The following CDKL5 variants were observed in gnomAD, a reference collection of about 807,000 sequenced individuals.
CDKL5 encodes the protein cyclin-dependent kinase-like 5.
In CDKL5, 8 loss-of-function variants were observed where a neutral mutation model predicts 61.7. The ratio of observed to expected loss-of-function variants is 0.13; its 90% CI spans 0.08 to 0.23. The LOEUF (loss-of-function observed/expected upper bound fraction) is 0.23, where lower values mean the gene tolerates loss of function less well. Ranked by LOEUF, CDKL5 falls within the 10% of genes least tolerant of loss-of-function variation. The pLI, the probability that CDKL5 is intolerant of heterozygous loss-of-function variation, is 1.00. For synonymous variants in CDKL5, 275 were observed against 272.3 expected (o/e 1.01, Z -0.10); for missense variants, 440 against 734.5 (o/e 0.60, Z 4.63).
At chrX:18,603,477 A>G (rs938523583) in intron 11 of CDKL5, among the ~76,000 whole-genome samples, 1 of 112,446 alleles carries the variant, frequency 8.9e-6, no homozygotes, top group Non-Finnish European at 1.9e-5. Context: ...AAGTTCAAGA[A>G]ACATAGTAAC....
chrX:18,517,718 A>G (rs934927190), intron 3 of CDKL5, among the ~76,000 whole-genome samples: 3 of 111,883 alleles, frequency 2.7e-5, no homozygotes, highest in Non-Finnish European at 5.6e-5. Context: ...GCTCTTTATC[A>G]GTTGTTGAAA....
intron 17 of CDKL5, among the ~76,000 whole-genome samples, chrX:18,627,906 A>G (rs1927116780): frequency 9.0e-6 from 1 of 111,079 alleles, no homozygotes; most frequent in Non-Finnish European, 1.9e-5. Context: ...AGTTGAGTAC[A>G]TTGCTAACTA....
intron 1 of CDKL5, among the ~76,000 whole-genome samples, chrX:18,459,403 C>CA (rs778859250): frequency 2.8e-5 from 3 of 107,249 alleles, no homozygotes; most frequent in South Asian, 4.1e-4. Context: ...ACTAAAAATA[C>CA]AAAAAAAAAT....
intron 1 of CDKL5, among the ~76,000 whole-genome samples, chrX:18,442,912 C>T (rs189004901): frequency 4.5e-5 from 5 of 111,947 alleles, no homozygotes; most frequent in East Asian, 2.8e-4. Flanking sequence ...TTAACATGAG[C>T]GTTTCCTTAA....
rs1228160822 is a variant in CDKL5 at position 18,454,224 on chromosome X, A to G, written c.-163+28529A>G. On this transcript the variant is annotated intron_variant, in intron 1 of 17. Coordinates refer to ENST00000623535, the MANE Select transcript of CDKL5 (RefSeq NM_001323289.2). ...ACATATAACTATTTTGCCATAAAGC[A>G]TACTTTTCTTTCTTCTTTCTTTTTT... Among the ~76,000 whole-genome samples the G allele has an allele frequency of 1.9e-4, 21 of 111,283 alleles. No homozygotes were observed. In the Admixed American group the frequency reaches 1.9e-3, roughly 10 times the overall value.
chrX:18,475,810 T>G (rs2147067966), intron 1 of CDKL5, among the ~76,000 whole-genome samples: 1 of 112,389 alleles, frequency 8.9e-6, no homozygotes, highest in African/African-American at 3.2e-5. Flanking sequence ...AAATAACTAC[T>G]TTAATGTTTG....
intron 1 of CDKL5, among the ~76,000 whole-genome samples, chrX:18,438,394 G>A (rs774389081): frequency 2.1e-4 from 23 of 110,723 alleles, no homozygotes; most frequent in South Asian, 3.9e-4. Flanking sequence ...GCACTTAAGG[G>A]GACTGGGAAA....
chrX:18,487,585 C>T (rs903336409), intron 1 of CDKL5, among the ~76,000 whole-genome samples: 2 of 112,960 alleles, frequency 1.8e-5, no homozygotes, highest in African/African-American at 3.2e-5. Flanking sequence ...AGGCATGAGC[C>T]GCTGTGCCTG....
At chrX:18,441,151 C>G (rs1931732176) in intron 1 of CDKL5, among the ~76,000 whole-genome samples, 1 of 111,394 alleles carries the variant, frequency 9.0e-6, no homozygotes, top group African/African-American at 3.3e-5. Flanking sequence ...CATGGTGGCT[C>G]ACTCCTGTAA....
rs1064795115 is a variant in CDKL5, at chrX:18,650,448, A to ACTC, written c.2838_2840dup (p.Pro947dup). 2 of 1,209,744 alleles carry ACTC rather than the reference A, an allele frequency of 1.7e-6. No individual in the cohort carries two copies. Among genetic ancestry groups the ACTC allele is most frequent in the African/African-American group, 3.5e-5 (2 of 57,073 alleles). ...CTGTGGTGACCCAAAGAAGCCTCAC[A>ACTC]CTCCGTGCGTCCCAAACCGAGCCCT... is the stretch of plus-strand genomic sequence containing the variant. On this transcript the variant is annotated inframe_insertion, in exon 21 of 22. Transcript: ENST00000379989.
intron 4 of CDKL5, among the ~76,000 whole-genome samples, chrX:18,567,959 A>G (rs1925024266): frequency 8.9e-6 from 1 of 111,934 alleles, no homozygotes. Flanking sequence ...CATGCTCAGA[A>G]CACTTATGTT....
At chrX:18,576,164 C>T (rs922351615) in intron 5 of CDKL5, among the ~76,000 whole-genome samples, 1 of 111,567 alleles carries the variant, frequency 9.0e-6, no homozygotes. Context: ...TGCAGTGGCT[C>T]ACACCTGTAA....
chrX:18,437,241 G>A (rs921294531), intron 1 of CDKL5, among the ~76,000 whole-genome samples: 15 of 111,630 alleles, frequency 1.3e-4, no homozygotes, highest in Non-Finnish European at 2.8e-4. Flanking sequence ...GTCGTCTGCG[G>A]TACTCCTTTC....
At chrX:18,652,865 A>G in intron 21 of CDKL5, among the ~76,000 whole-genome samples, 1 of 112,563 alleles carries the variant, frequency 8.9e-6, no homozygotes, top group Non-Finnish European at 1.9e-5. Flanking sequence ...AGATAAAGGC[A>G]TATTTGCAAT....
chrX:18,447,801 C>G (rs1173156158), intron 1 of CDKL5, among the ~76,000 whole-genome samples: 2 of 111,506 alleles, frequency 1.8e-5, no homozygotes, highest in African/African-American at 6.5e-5. Context: ...CCAAGGATTT[C>G]AGTTGCACTT....
At chrX:18,452,178 C>G (rs899010418) in intron 1 of CDKL5, among the ~76,000 whole-genome samples, 1 of 111,335 alleles carries the variant, frequency 9.0e-6, no homozygotes, top group Non-Finnish European at 1.9e-5. Flanking sequence ...GGCTCAGACT[C>G]AAGGGGAAAA....
At chrX:18,581,207 G>A (rs575341278) in intron 6 of CDKL5, among the ~76,000 whole-genome samples, 1 of 111,477 alleles carries the variant, frequency 9.0e-6, no homozygotes, top group African/African-American at 3.3e-5. Context: ...ATAGATCATG[G>A]GTATTCTACT....
intron 1 of CDKL5, among the ~76,000 whole-genome samples, chrX:18,472,884 T>C (rs1921149403): frequency 9.1e-6 from 1 of 110,114 alleles, no homozygotes; most frequent in African/African-American, 3.3e-5. Flanking sequence ...CTTCCTGCAG[T>C]CCATAATGGG....
At chrX:18,540,791 G>A (rs750084191) in intron 3 of CDKL5, among the ~76,000 whole-genome samples, 15 of 108,078 alleles carry the variant, frequency 1.4e-4, no homozygotes, top group Non-Finnish European at 2.3e-4. Flanking sequence ...AGGTTCAAGC[G>A]ATTCTCCTGC....
Sources: allele counts gnomAD v4.1 joint callset (sites outside exome capture counted in the v4.1 genomes callset), GRCh38; gene constraint gnomAD v4.1.1; transcripts MANE v1.5; gene names NCBI Gene and HGNC (gene_info 2026-07-23, HGNC 2026-07-21).